PREX2: variants seen among roughly 807,000 people sequenced by gnomAD.
PREX2 encodes phosphatidylinositol-3,4,5-trisphosphate dependent Rac exchange factor 2, also known as phosphatidylinositol 3,4,5-trisphosphate-dependent Rac exchanger 2 protein.
Under a neutral mutation model 203.2 loss-of-function variants are expected in PREX2, and 107 were observed. That is an observed-to-expected ratio of 0.53 (90% CI 0.45 to 0.62). The LOEUF (loss-of-function observed/expected upper bound fraction) is 0.62. Ranked by LOEUF, PREX2 falls within the 20% of genes least tolerant of loss-of-function variation. The probability of loss-of-function intolerance (pLI) is 0.00; values close to 1 mark genes in which losing one functional copy is unlikely to be tolerated. For synonymous variants in PREX2, 672 were observed against 663.6 expected (o/e 1.01, Z -0.19); for missense variants, 1,777 against 1,955.9 (o/e 0.91, Z 1.72).
chr8:68,219,533 A>T (rs1812912656), intron 38 of PREX2, among the ~76,000 whole-genome samples: 1 of 152,098 alleles, frequency 6.6e-6, no homozygotes, highest in Non-Finnish European at 1.5e-5. Flanking sequence ...CTTCCCCCGA[A>T]TTTTTTTAAA....
intron 37 of PREX2, among the ~76,000 whole-genome samples, chr8:68,208,954 C>T (rs1812695564): frequency 6.6e-6 from 1 of 151,376 alleles, no homozygotes; most frequent in East Asian, 1.9e-4. Context: ...ATGGCAGGCA[C>T]CTGTAGTCAG....
chr8:67,954,498 T>G (rs962669569), intron 1 of PREX2, among the ~76,000 whole-genome samples: 1 of 152,228 alleles, frequency 6.6e-6, no homozygotes. Context: ...TATGCTAATA[T>G]GTACCAAGAG....
At chr8:68,101,070 A>G (rs1810251464) in intron 23 of PREX2, among the ~76,000 whole-genome samples, 1 of 152,192 alleles carries the variant, frequency 6.6e-6, no homozygotes, top group Admixed American at 6.5e-5. Context: ...CTAATTGATT[A>G]AATTATTTCC....
chr8:68,022,544 C>T (rs1175416444), intron 4 of PREX2, among the ~76,000 whole-genome samples: 2 of 152,096 alleles, frequency 1.3e-5, no homozygotes, highest in Non-Finnish European at 2.9e-5. Flanking sequence ...AACATTTCTC[C>T]TACATACATT....
chr8:68,017,262 A>T (rs1341901882), intron 1 of PREX2, among the ~76,000 whole-genome samples: 4 of 152,212 alleles, frequency 2.6e-5, no homozygotes, highest in South Asian at 4.2e-4. Flanking sequence ...TGAACCCAGA[A>T]ATTTAAATTC....
At chr8:68,033,019 T>A (rs553909170) in intron 6 of PREX2, among the ~76,000 whole-genome samples, 1 of 152,292 alleles carries the variant, frequency 6.6e-6, no homozygotes, top group African/African-American at 2.4e-5. Context: ...CACCGTGAAT[T>A]TGCATTGTTT....
chr8:68,096,882 A>G, intron 21 of PREX2, 135 bp from the exon 22 acceptor site: 1 of 701,178 alleles, frequency 1.4e-6, no homozygotes. Context: ...ACAAGAATAG[A>G]TGCTTCATTT....
At chr8:68,098,668 G>A (rs977136960) in intron 22 of PREX2, among the ~76,000 whole-genome samples, 4 of 151,350 alleles carry the variant, frequency 2.6e-5, no homozygotes, top group African/African-American at 9.7e-5. Flanking sequence ...AATATCACTT[G>A]GATTTTACAC....
chr8:68,045,546 T>C (rs566503796), intron 8 of PREX2, among the ~76,000 whole-genome samples: 1 of 152,180 alleles, frequency 6.6e-6, no homozygotes, highest in African/African-American at 2.4e-5. Flanking sequence ...AGCATCCGAA[T>C]AAATTGTCAG....
chr8:68,031,608 C>T (rs573428388), intron 6 of PREX2, among the ~76,000 whole-genome samples: 2 of 152,290 alleles, frequency 1.3e-5, no homozygotes, highest in African/African-American at 2.4e-5. Context: ...TGTCCCTTCT[C>T]TCCTGTGAAT....
intron 35 of PREX2, among the ~76,000 whole-genome samples, chr8:68,166,092 T>A (rs1811756657): frequency 6.6e-6 from 1 of 152,142 alleles, no homozygotes; most frequent in South Asian, 2.1e-4. Flanking sequence ...AAGGAGGCAG[T>A]TCTCTGCAGA....
intron 10 of PREX2, among the ~76,000 whole-genome samples, chr8:68,059,979 A>T (rs1303600750): frequency 6.6e-6 from 1 of 152,184 alleles, no homozygotes; most frequent in Non-Finnish European, 1.5e-5. Context: ...CTCTGCTTCA[A>T]AGGGTTCCAC....
At chr8:68,159,081 A>G (rs1479545987) in intron 35 of PREX2, among the ~76,000 whole-genome samples, 4 of 152,206 alleles carry the variant, frequency 2.6e-5, no homozygotes, top group Admixed American at 2.6e-4. Context: ...GAACTATTCC[A>G]TTAGGCAGTC....
At chr8:68,170,290 G>T (rs147806901) in intron 35 of PREX2, among the ~76,000 whole-genome samples, 2 of 152,326 alleles carry the variant, frequency 1.3e-5, no homozygotes, top group East Asian at 3.9e-4. Flanking sequence ...AGAATGGAGA[G>T]GCCACTGAAG....
chr8:68,228,418 T>C (rs562854365), intron 39 of PREX2, among the ~76,000 whole-genome samples: 8 of 150,358 alleles, frequency 5.3e-5, no homozygotes, highest in South Asian at 2.1e-4. Context: ...ATACTGGGAG[T>C]TCAAGACCAG....
At chr8:68,185,845 ATAG>A (rs1812178974) in intron 35 of PREX2, among the ~76,000 whole-genome samples, 1 of 148,578 alleles carries the variant, frequency 6.7e-6, no homozygotes, top group South Asian at 2.1e-4. Context: ...CCCATATAAA[ATAG>A]TAGCCATACT....
chr8:68,196,951 A>G (rs1812409530), intron 37 of PREX2, among the ~76,000 whole-genome samples: 1 of 152,132 alleles, frequency 6.6e-6, no homozygotes, highest in Admixed American at 6.5e-5. Flanking sequence ...CACACTGAGT[A>G]ATTTATAAAG....
chr8:68,121,213 A>T (rs1810767377), intron 30 of PREX2, among the ~76,000 whole-genome samples, 164 bp downstream of exon 30: 1 of 152,184 alleles, frequency 6.6e-6, no homozygotes, highest in Non-Finnish European at 1.5e-5. Context: ...GCAAGAAGGA[A>T]TAAGATTATA....
chr8:68,085,942 C>G (rs1809674639), intron 18 of PREX2, among the ~76,000 whole-genome samples: 1 of 152,150 alleles, frequency 6.6e-6, no homozygotes, highest in South Asian at 2.1e-4. Context: ...GAAGTGAACT[C>G]TCATTCGTAA....
Sources: allele counts gnomAD v4.1 joint callset (sites outside exome capture counted in the v4.1 genomes callset), GRCh38; gene constraint gnomAD v4.1.1; transcripts MANE v1.5; gene names NCBI Gene and HGNC (gene_info 2026-07-23, HGNC 2026-07-21).